Variants in NLGN1 observed in about 807,000 individuals in gnomAD.
The protein encoded by NLGN1 is neuroligin-1.
In NLGN1, 12 loss-of-function variants were observed where a neutral mutation model predicts 65.5. That is an observed-to-expected ratio of 0.18 (90% CI 0.12 to 0.30). The LOEUF (loss-of-function observed/expected upper bound fraction) is 0.30, where lower values mean the gene tolerates loss of function less well. NLGN1 is among the 10% of genes least tolerant of loss of function. The probability of loss-of-function intolerance (pLI) is 1.00; values close to 1 mark genes in which losing one functional copy is unlikely to be tolerated. For synonymous variants in NLGN1, 350 were observed against 359.5 expected (o/e 0.97, Z 0.30); for missense variants, 750 against 1,007.1 (o/e 0.74, Z 3.46).
intron 2 of NLGN1, among the ~76,000 whole-genome samples, chr3:173,459,383 T>C (rs1003543818): frequency 1.3e-5 from 2 of 152,078 alleles, no homozygotes; most frequent in African/African-American, 4.8e-5. Context: ...CACATACACA[T>C]GTGAATTTAA....
chr3:173,773,637 A>G (rs1024886624), intron 3 of NLGN1, among the ~76,000 whole-genome samples: 2 of 152,216 alleles, frequency 1.3e-5, no homozygotes, highest in Admixed American at 1.3e-4. Context: ...TAAATTAAGT[A>G]CCTATTTGTG....
intron 4 of NLGN1, among the ~76,000 whole-genome samples, chr3:173,812,174 C>G (rs1446399714): frequency 6.6e-6 from 1 of 152,040 alleles, no homozygotes; most frequent in African/African-American, 2.4e-5. Context: ...TTTACACCAC[C>G]CGTCCATGGA....
intron 4 of NLGN1, among the ~76,000 whole-genome samples, chr3:174,130,632 T>G (rs1719982354): frequency 6.6e-6 from 1 of 152,100 alleles, no homozygotes; most frequent in Admixed American, 6.6e-5. Flanking sequence ...ACAGATGAAC[T>G]TTTTGGGAGA....
At chr3:173,483,191 A>C (rs998016753) in intron 2 of NLGN1, among the ~76,000 whole-genome samples, 1 of 152,008 alleles carries the variant, frequency 6.6e-6, no homozygotes, top group Non-Finnish European at 1.5e-5. Flanking sequence ...CTTTTTGAAA[A>C]ACAGATTCTA....
At chr3:174,289,693 G>A (rs992939196), downstream of NLGN1, among the ~76,000 whole-genome samples, 1 of 150,788 alleles carries the variant, frequency 6.6e-6, no homozygotes, top group Admixed American at 6.6e-5. Context: ...GGGATTCCTT[G>A]TATGAAAAAG....
intron 2 of NLGN1, among the ~76,000 whole-genome samples, chr3:173,436,677 C>T (rs529807624): frequency 4.6e-5 from 7 of 152,288 alleles, no homozygotes; most frequent in African/African-American, 1.7e-4. Flanking sequence ...GTTACATCCA[C>T]CCAGGCCCCC....
intron 4 of NLGN1, among the ~76,000 whole-genome samples, chr3:173,968,786 C>T (rs1715488499): frequency 6.8e-6 from 1 of 147,678 alleles, no homozygotes; most frequent in Non-Finnish European, 1.5e-5. Flanking sequence ...GCAACCTCTG[C>T]CTCCCAGGTT....
chr3:173,717,466 A>C (rs1770052868), intron 3 of NLGN1, among the ~76,000 whole-genome samples: 1 of 151,498 alleles, frequency 6.6e-6, no homozygotes, highest in African/African-American at 2.4e-5. Flanking sequence ...ACAGTTCTTC[A>C]GCAATGGGAG....
intron 4 of NLGN1, among the ~76,000 whole-genome samples, chr3:174,006,999 G>A (rs139563943): frequency 6.6e-6 from 1 of 152,104 alleles, no homozygotes; most frequent in South Asian, 2.1e-4. Context: ...ACCCAAGTGG[G>A]AGAGATTGCA....
intron 3 of NLGN1, among the ~76,000 whole-genome samples, chr3:173,650,088 A>G (rs1017019573): frequency 2.6e-5 from 4 of 152,052 alleles, no homozygotes; most frequent in Admixed American, 6.6e-5. Flanking sequence ...CATTTGTTAC[A>G]CAAATAGTGG....
intron 4 of NLGN1, among the ~76,000 whole-genome samples, chr3:173,862,644 G>A (rs1729378511): frequency 6.6e-6 from 1 of 151,742 alleles, no homozygotes. Context: ...TCCAGAAAGG[G>A]AAACACCAAG....
At chr3:174,105,685 A>G (rs1713574442) in intron 4 of NLGN1, among the ~76,000 whole-genome samples, 2 of 152,110 alleles carry the variant, frequency 1.3e-5, no homozygotes, top group Non-Finnish European at 2.9e-5. Flanking sequence ...TAATATCTAT[A>G]TGTAGATATA....
At chr3:174,178,662 T>C (rs946990182) in intron 4 of NLGN1, among the ~76,000 whole-genome samples, 1 of 152,172 alleles carries the variant, frequency 6.6e-6, no homozygotes, top group Admixed American at 6.6e-5. Flanking sequence ...TTCAGAAAAA[T>C]GAATATCAAA....
At chr3:174,263,562 T>C (rs1747388761) in intron 4 of NLGN1, among the ~76,000 whole-genome samples, 1 of 152,018 alleles carries the variant, frequency 6.6e-6, no homozygotes, top group African/African-American at 2.4e-5. Flanking sequence ...CCTTTTATAT[T>C]GAGCCTATGT....
intron 4 of NLGN1, among the ~76,000 whole-genome samples, chr3:173,826,187 A>G (rs1468562468): frequency 6.6e-6 from 1 of 152,080 alleles, no homozygotes; most frequent in African/African-American, 2.4e-5. Flanking sequence ...TGGCACACTC[A>G]GTTTCCTCTG....
intron 2 of NLGN1, among the ~76,000 whole-genome samples, chr3:173,460,779 A>C (rs1181957387): frequency 1.3e-5 from 2 of 152,160 alleles, no homozygotes; most frequent in Non-Finnish European, 2.9e-5. Flanking sequence ...TGATGTCTAC[A>C]TGGAAATAAA....
intron 3 of NLGN1, among the ~76,000 whole-genome samples, chr3:173,711,983 A>T (rs550794196): frequency 6.6e-6 from 1 of 152,320 alleles, no homozygotes; most frequent in South Asian, 2.1e-4. Flanking sequence ...GGCATAGAGC[A>T]ATACTTGTAA....
chr3:173,896,275 T>A (rs1473649390), intron 4 of NLGN1, among the ~76,000 whole-genome samples: 1 of 152,178 alleles, frequency 6.6e-6, no homozygotes, highest in African/African-American at 2.4e-5. Flanking sequence ...TGTGAAGTCC[T>A]CATGGGGGAA....
intron 4 of NLGN1, among the ~76,000 whole-genome samples, chr3:173,816,364 A>G (rs1719045669): frequency 6.6e-6 from 1 of 152,190 alleles, no homozygotes; most frequent in African/African-American, 2.4e-5. Context: ...AGAGAGGCTA[A>G]CTAATGTATT....
Sources: allele counts gnomAD v4.1 joint callset (sites outside exome capture counted in the v4.1 genomes callset), GRCh38; gene constraint gnomAD v4.1.1; transcripts MANE v1.5; gene names NCBI Gene and HGNC (gene_info 2026-07-23, HGNC 2026-07-21).